The following NALF1 variants were observed in gnomAD, a reference collection of about 807,000 sequenced individuals.
NALF1 encodes the protein NALCN channel auxiliary factor 1.
In NALF1, 3 loss-of-function variants were observed where a neutral mutation model predicts 48.4. That is an observed-to-expected ratio of 0.06 (90% CI 0.03 to 0.16). The LOEUF is 0.16. Ranked by LOEUF, NALF1 falls within the 10% of genes least tolerant of loss-of-function variation. The pLI is 1.00. For synonymous variants in NALF1, 262 were observed against 245.7 expected (o/e 1.07, Z -0.62); for missense variants, 526 against 571.5 (o/e 0.92, Z 0.81).
intron 1 of NALF1, among the ~76,000 whole-genome samples, chr13:107,323,439 TGAGG>T (rs1566485108): frequency 5.3e-5 from 8 of 152,224 alleles, no homozygotes; most frequent in Non-Finnish European, 1.0e-4. Flanking sequence ...TTTTGGAGAT[TGAGG>T]GAATGATTAT....
At chr13:107,172,707 T>C (rs1380543272) in intron 2 of NALF1, among the ~76,000 whole-genome samples, 2 of 152,204 alleles carry the variant, frequency 1.3e-5, no homozygotes, top group African/African-American at 4.8e-5. Flanking sequence ...ACGTTTCCAA[T>C]ACTACATTCT....
intron 1 of NALF1, among the ~76,000 whole-genome samples, chr13:107,240,855 A>G (rs1314539956): frequency 6.6e-6 from 1 of 151,824 alleles, no homozygotes; most frequent in Non-Finnish European, 1.5e-5. Context: ...GAGTGTTGCA[A>G]GTAAAGGTAT....
intron 1 of NALF1, among the ~76,000 whole-genome samples, chr13:107,586,595 T>C (rs1389818578): frequency 6.9e-6 from 1 of 145,390 alleles, no homozygotes; most frequent in Non-Finnish European, 1.5e-5. Flanking sequence ...AAGTAATCAC[T>C]CAGAGATCTC....
At chr13:107,247,199 G>A (rs1880602774) in intron 1 of NALF1, among the ~76,000 whole-genome samples, 1 of 152,090 alleles carries the variant, frequency 6.6e-6, no homozygotes, top group Admixed American at 6.6e-5. Flanking sequence ...CATACATATT[G>A]GCAAAATATT....
chr13:107,668,769 T>C (rs1880920076), intron 1 of NALF1, among the ~76,000 whole-genome samples: 2 of 152,096 alleles, frequency 1.3e-5, no homozygotes, highest in Non-Finnish European at 2.9e-5. Context: ...TACTCTATTA[T>C]AAATCTAATA....
chr13:107,342,224 G>C (rs1462880065), intron 1 of NALF1, among the ~76,000 whole-genome samples: 1 of 152,038 alleles, frequency 6.6e-6, no homozygotes, highest in East Asian at 1.9e-4. Flanking sequence ...TTAAAACAGT[G>C]GTAATGGCAA....
At chr13:107,388,592 T>C (rs1173655641) in intron 1 of NALF1, among the ~76,000 whole-genome samples, 3 of 152,166 alleles carry the variant, frequency 2.0e-5, no homozygotes, top group Non-Finnish European at 4.4e-5. Flanking sequence ...CACAAGAGTT[T>C]ACAAACTAAA....
In NALF1 at chr13:107,170,722, T is replaced by A. The variant is rs79124416; in HGVS notation, c.1152A>T (p.Lys384Asn). 6.3e-3 allele frequency: 10,091 copies of A among 1,614,176 alleles called. 61 individuals are homozygous for A. The highest frequency in any genetic ancestry group is 0.019 in the Admixed American group (1,136 of 60,028). Reference sequence around the variant, plus strand: ...CGGTCCCTTTGGATGGGTTATTTGATTTTTCTTCTCTCCTGACGTCACAGC... The same window carrying A: ...CGGTCCCTTTGGATGGGTTATTTGAATTTTCTTCTCTCCTGACGTCACAGC... ...PECCDVRREE[K>N]SNNPSKGTVE... Residue 384 changes from lysine (K) to asparagine (N), a missense_variant, in exon 3 of 3, where the codon AAA becomes AAT. By Grantham distance (94) the Lys-to-Asn change is moderately conservative. Coordinates refer to ENST00000375915, the MANE Select transcript of NALF1 (RefSeq NM_001080396.3).
intron 2 of NALF1, among the ~76,000 whole-genome samples, chr13:107,179,134 G>C (rs1367401803): frequency 6.6e-6 from 1 of 151,962 alleles, no homozygotes; most frequent in Non-Finnish European, 1.5e-5. Context: ...CAGATAAATG[G>C]GTAGAGAAAA....
At chr13:107,383,948 T>A (rs1009525414) in intron 1 of NALF1, among the ~76,000 whole-genome samples, 4 of 152,180 alleles carry the variant, frequency 2.6e-5, no homozygotes, top group Non-Finnish European at 4.4e-5. Context: ...TTAAATGCAA[T>A]TTAAAATGGC....
At chr13:107,508,752 A>T (rs1042971111) in intron 1 of NALF1, among the ~76,000 whole-genome samples, 24 of 152,102 alleles carry the variant, frequency 1.6e-4, no homozygotes, top group Admixed American at 1.4e-3. Context: ...CACGCCCCCA[A>T]TCTCACAACT....
intron 1 of NALF1, among the ~76,000 whole-genome samples, chr13:107,687,284 C>A (rs1199522190): frequency 2.0e-5 from 3 of 151,858 alleles, no homozygotes; most frequent in Admixed American, 6.6e-5. Flanking sequence ...ACAACAGACA[C>A]TGGGCACTCC....
chr13:107,695,482 A>G (rs1323446412), intron 1 of NALF1, among the ~76,000 whole-genome samples: 2 of 152,178 alleles, frequency 1.3e-5, no homozygotes, highest in African/African-American at 4.8e-5. Context: ...ATCCCTTTAA[A>G]GGCAGATTCA....
intron 1 of NALF1, among the ~76,000 whole-genome samples, chr13:107,357,931 T>G (rs1276097562): frequency 6.6e-6 from 1 of 152,216 alleles, no homozygotes; most frequent in East Asian, 1.9e-4. Flanking sequence ...TCTCATTATC[T>G]GCATGAACAG....
At chr13:107,335,492 C>T (rs928201219) in intron 1 of NALF1, among the ~76,000 whole-genome samples, 1 of 152,154 alleles carries the variant, frequency 6.6e-6, no homozygotes, top group Non-Finnish European at 1.5e-5. Flanking sequence ...TGACCTTTTC[C>T]ATTCTTTCAT....
chr13:107,586,986 CTCTT>C (rs1878479710), intron 1 of NALF1, among the ~76,000 whole-genome samples: 1 of 151,940 alleles, frequency 6.6e-6, no homozygotes, highest in Non-Finnish European at 1.5e-5. Flanking sequence ...TCTTATGAAT[CTCTT>C]TATTTGAAAA....
At chr13:107,626,600 A>T (rs1456273715) in intron 1 of NALF1, among the ~76,000 whole-genome samples, 1 of 152,106 alleles carries the variant, frequency 6.6e-6, no homozygotes, top group Admixed American at 6.6e-5. Flanking sequence ...AAAAGAATAA[A>T]ATGTCATCAT....
Position 107,809,528 on chromosome 13 carries a change from C to T in NALF1, c.915+56154G>A, listed in dbSNP as rs555521180. Among the ~76,000 whole-genome samples the T allele has an allele frequency of 3.0e-4, 45 of 152,226 alleles. 1 individual carries two copies. The highest frequency in any genetic ancestry group is 9.1e-4 in the African/African-American group (38 of 41,542). On this transcript the variant is annotated intron_variant, in intron 1 of 2. Coordinates refer to ENST00000375915, the MANE Select transcript of NALF1 (RefSeq NM_001080396.3). ...GCCCTTTTCTCCTCCCTCTAACTGA[C>T]GCACCCACTGTTCACATAGGGTGTG... is the stretch of plus-strand genomic sequence containing the variant.
chr13:107,814,438 C>T (rs980274602), intron 1 of NALF1, among the ~76,000 whole-genome samples: 3 of 152,072 alleles, frequency 2.0e-5, no homozygotes, highest in African/African-American at 7.2e-5. Context: ...GCAGGAGACA[C>T]TTCAGATGGA....
Sources: allele counts gnomAD v4.1 joint callset (sites outside exome capture counted in the v4.1 genomes callset), GRCh38; gene constraint gnomAD v4.1.1; transcripts MANE v1.5; gene names NCBI Gene and HGNC (gene_info 2026-07-23, HGNC 2026-07-21).